Variants in SEMA3A observed in about 807,000 individuals in gnomAD.
The protein encoded by SEMA3A is semaphorin-3A.
SEMA3A carries 29 observed loss-of-function variants against 97.9 expected under a neutral mutation model. The ratio of observed to expected loss-of-function variants is 0.30; its 90% CI spans 0.22 to 0.40. The LOEUF is 0.40. Among genes scored for constraint, SEMA3A ranks in the 10% least tolerant of loss-of-function variants. The probability of loss-of-function intolerance (pLI) is 1.00; values close to 1 mark genes in which losing one functional copy is unlikely to be tolerated. For synonymous variants in SEMA3A, 321 were observed against 323.7 expected, an observed-to-expected ratio of 0.99 and a Z score of 0.09; for missense variants, 763 against 951.3, an observed-to-expected ratio of 0.80 and a Z score of 2.60.
At chr7:84,415,728 T>TTA (rs1171070159) in intron 1 of SEMA3A, among the ~76,000 whole-genome samples, 12 of 152,110 alleles carry the variant, frequency 7.9e-5, no homozygotes, top group Admixed American at 7.9e-4. Flanking sequence ...GCATTTTTTC[T>TTA]TATATATATT....
chr7:84,464,114 T>A (rs2116394745), intron 1 of SEMA3A, among the ~76,000 whole-genome samples: 1 of 152,342 alleles, frequency 6.6e-6, no homozygotes, highest in South Asian at 2.1e-4. Context: ...CTAGAATTCC[T>A]TTTAAGCTCA....
intron 4 of SEMA3A, among the ~76,000 whole-genome samples, chr7:84,090,513 A>G (rs1794529993): frequency 6.6e-6 from 1 of 152,184 alleles, no homozygotes; most frequent in African/African-American, 2.4e-5. Flanking sequence ...ATGCAAAAAA[A>G]ACAAAACACA....
Position 84,376,569 on chromosome 7 carries a change from A to T in SEMA3A, c.-245-4669T>A, listed in dbSNP as rs930556145. Among the ~76,000 whole-genome samples the T allele has an allele frequency of 4.0e-5, 4 of 98,980 alleles. 1 individual carries two copies. The Admixed American group carries it at 5.8e-4, about 14-fold the overall frequency. 64.9% of individuals were successfully genotyped at this position (98,980 alleles called of 152,430 possible). A position where few individuals can be genotyped will look rare whatever the true frequency, so the allele number is the denominator to read the frequency against. ...CAGTGAGCCGAGATCGCGCCACTGC[A>T]CTCCAGCCTGGGCGACAGAGCGAGA... is the stretch of plus-strand genomic sequence containing the variant. On this transcript the variant is annotated intron_variant, in intron 1 of 3. Coordinates refer to the SEMA3A transcript ENST00000424555.
chr7:84,020,035 C>CTTTTTTTTTTTTTTTTTTTTTTTT (rs781108685), intron 6 of SEMA3A, among the ~76,000 whole-genome samples: 3 of 58,250 alleles, frequency 5.2e-5, no homozygotes, highest in Admixed American at 2.7e-4. Context: ...TTTTTTCTTT[C>CTTTTTTTTTTTTTTTTTTTTTTTT]TTTTTTTTTT....
At chr7:84,191,177 G>T (rs1798028298) in intron 1 of SEMA3A, among the ~76,000 whole-genome samples, 1 of 143,312 alleles carries the variant, frequency 7.0e-6, no homozygotes. Flanking sequence ...ATACATATGA[G>T]AATTTTTATT....
chr7:83,969,884 C>A (rs537129722), intron 15 of SEMA3A, among the ~76,000 whole-genome samples: 1 of 152,222 alleles, frequency 6.6e-6, no homozygotes, highest in African/African-American at 2.4e-5. Context: ...ATACCTATAT[C>A]ACTAAAGGAT....
intron 13 of SEMA3A, among the ~76,000 whole-genome samples, chr7:83,982,931 GTAAA>G (rs1257078743): frequency 6.6e-6 from 1 of 151,746 alleles, no homozygotes; most frequent in Non-Finnish European, 1.5e-5. Context: ...TACAAGCAAA[GTAAA>G]TAAGGGGAAA....
chr7:84,206,411 C>T (rs1798495576), intron 3 of SEMA3A, among the ~76,000 whole-genome samples: 1 of 151,346 alleles, frequency 6.6e-6, no homozygotes, highest in African/African-American at 2.4e-5. Flanking sequence ...CAAGCTCCGC[C>T]TGCAGGGTTC....
At chr7:84,242,144 G>GT (rs568150494) in intron 3 of SEMA3A, among the ~76,000 whole-genome samples, 312 of 152,164 alleles carry the variant, frequency 2.1e-3, no homozygotes, top group Admixed American at 2.7e-3. Flanking sequence ...ACTTAAAGTA[G>GT]TTTTTTTCTA....
At chr7:84,087,549 A>G (rs903079774) in intron 4 of SEMA3A, among the ~76,000 whole-genome samples, 3 of 152,204 alleles carry the variant, frequency 2.0e-5, no homozygotes, top group African/African-American at 7.2e-5. Flanking sequence ...ATTTTAATGA[A>G]TATTCCTACA....
intron 1 of SEMA3A, among the ~76,000 whole-genome samples, chr7:84,482,118 A>G (rs367555641): frequency 7.1e-6 from 1 of 140,350 alleles, no homozygotes; most frequent in Non-Finnish European, 1.5e-5. Flanking sequence ...CAAAATATCA[A>G]ATTCATCTAT....
intron 6 of SEMA3A, among the ~76,000 whole-genome samples, chr7:84,040,765 A>G (rs1792107414): frequency 6.6e-6 from 1 of 152,040 alleles, no homozygotes; most frequent in African/African-American, 2.4e-5. Flanking sequence ...ATTGGTATAG[A>G]CAGGCTGTGT....
chr7:84,238,980 G>A (rs980029815), intron 3 of SEMA3A, among the ~76,000 whole-genome samples: 5 of 152,122 alleles, frequency 3.3e-5, no homozygotes, highest in African/African-American at 1.2e-4. Flanking sequence ...GCCTCTCAAA[G>A]TACTGGGATG....
At chr7:84,336,690 G>C (rs1802045526) in intron 2 of SEMA3A, among the ~76,000 whole-genome samples, 2 of 152,086 alleles carry the variant, frequency 1.3e-5, no homozygotes, top group Admixed American at 1.3e-4. Flanking sequence ...CACAAACCTA[G>C]GTTCCAACAG....
At chr7:84,206,036 C>T (rs1339152938) in intron 3 of SEMA3A, among the ~76,000 whole-genome samples, 2 of 152,080 alleles carry the variant, frequency 1.3e-5, no homozygotes, top group African/African-American at 4.8e-5. Flanking sequence ...GATTGAGTTA[C>T]ATTTAACAAG....
At position 83,961,171 on chromosome 7, in the gene SEMA3A, G is replaced by C. The variant is rs1788455017; in HGVS notation, c.*200C>G. The C allele has an allele frequency of 5.1e-6, 3 of 587,248 alleles. No homozygotes were observed. The highest frequency in any genetic ancestry group is 9.1e-6 in the Non-Finnish European group (3 of 330,170). The allele number at this position is 587,248 out of a possible 1,614,324, so 36.4% of individuals were successfully genotyped here. Reference sequence around the variant, plus strand: ...CTGCATTCACCTGTGTTCTCTGTTAGGTGGTGGTATTAGGAAAAAAAGCCT... The same window carrying C: ...CTGCATTCACCTGTGTTCTCTGTTACGTGGTGGTATTAGGAAAAAAAGCCT... On this transcript the variant is annotated 3_prime_UTR_variant, in exon 17 of 17. Transcript: ENST00000265362.
At chr7:84,065,118 C>G (rs1415639112) in intron 4 of SEMA3A, among the ~76,000 whole-genome samples, 1 of 140,818 alleles carries the variant, frequency 7.1e-6, no homozygotes, top group Non-Finnish European at 1.5e-5. Context: ...AAGAATCTCA[C>G]TCAAAACCGC....
In SEMA3A at chr7:84,005,421, A is replaced by G. The variant is rs760813806; in HGVS notation, c.1278T>C (p.Asp426=). Residue 426 remains aspartate, a synonymous_variant, in exon 11 of 17, where the codon GAT becomes GAC. Coordinates refer to ENST00000265362, the MANE Select transcript of SEMA3A (RefSeq NM_006080.3). ...CAATTTGTGTAAATTGATAATTTAC[A>G]TCCGTTTTGATCACTATTGGGCGAT... ...MNNRPIVIKT[D]VNYQFTQIVV... 6.2e-6 allele frequency: 10 copies of G among 1,613,924 alleles called. No homozygotes were observed. In the Admixed American group the frequency reaches 1.5e-4, roughly 24 times the overall value.
At chr7:84,193,753 C>G (rs1306637262) in intron 1 of SEMA3A, among the ~76,000 whole-genome samples, 1 of 152,072 alleles carries the variant, frequency 6.6e-6, no homozygotes, top group African/African-American at 2.4e-5. Context: ...TCTTTTTTCT[C>G]TCTTTAATTT....
Sources: allele counts gnomAD v4.1 joint callset (sites outside exome capture counted in the v4.1 genomes callset), GRCh38; gene constraint gnomAD v4.1.1; transcripts MANE v1.5; gene names NCBI Gene and HGNC (gene_info 2026-07-23, HGNC 2026-07-21).